Variants in PTPRN2 observed in about 807,000 individuals in gnomAD.
The protein encoded by PTPRN2 is receptor-type tyrosine-protein phosphatase N2.
In PTPRN2, 74 loss-of-function variants were observed where a neutral mutation model predicts 118.8. The observed-to-expected ratio is 0.62, with a 90% CI of 0.52 to 0.76. PTPRN2 has a LOEUF of 0.76. PTPRN2 is among the 30% of genes least tolerant of loss of function. The pLI is 0.00. For missense variants in PTPRN2, 1,481 were observed against 1,394.4 expected (o/e 1.06, Z -0.99); for synonymous variants, 641 against 608.0 (o/e 1.05, Z -0.80).
chr7:158,326,934 CACAT>C lies in PTPRN2; in HGVS notation c.164-10006_164-10003del, dbSNP rs562514077. Among the ~76,000 whole-genome samples the C allele has an allele frequency of 4.4e-3, 661 of 151,770 alleles. 10 individuals carry two copies. Among genetic ancestry groups the C allele is most frequent in the African/African-American group, 0.015 (619 of 41,304 alleles). ...ACATGCTCACACGTTCTCACATGCA[CACAT>C]ACACATTTTCACACATGCACACACG... On this transcript the variant is annotated intron_variant, in intron 2 of 22. Coordinates refer to ENST00000389418, the MANE Select transcript of PTPRN2 (RefSeq NM_002847.5).
chr7:157,805,109 C>A (rs909892962), intron 12 of PTPRN2, among the ~76,000 whole-genome samples: 1 of 152,214 alleles, frequency 6.6e-6, no homozygotes, highest in Admixed American at 6.5e-5. Context: ...TGTACTGGTG[C>A]TCTCAGACAC....
intron 1 of PTPRN2, among the ~76,000 whole-genome samples, chr7:158,537,853 C>T (rs1825739702): frequency 6.6e-6 from 1 of 152,236 alleles, no homozygotes; most frequent in Admixed American, 6.5e-5. Context: ...TGATAAATGA[C>T]TTCATCTTTA....
intron 9 of PTPRN2, among the ~76,000 whole-genome samples, chr7:158,115,998 A>G (rs1215324710): frequency 6.6e-6 from 1 of 152,152 alleles, no homozygotes; most frequent in East Asian, 1.9e-4. Flanking sequence ...TGAGTTTTAT[A>G]AGACAGGCCC....
chr7:157,846,242 A>G (rs1005076919), intron 12 of PTPRN2, among the ~76,000 whole-genome samples: 1 of 152,118 alleles, frequency 6.6e-6, no homozygotes, highest in African/African-American at 2.4e-5. Flanking sequence ...AAAACTGGCC[A>G]AGGTGTGATG....
At chr7:157,835,429 T>C (rs754943136) in intron 12 of PTPRN2, among the ~76,000 whole-genome samples, 1 of 152,148 alleles carries the variant, frequency 6.6e-6, no homozygotes, top group Non-Finnish European at 1.5e-5. Flanking sequence ...CAGAACTGAC[T>C]ACAGTTCACA....
chr7:158,320,283 G>T (rs946477237), intron 2 of PTPRN2, among the ~76,000 whole-genome samples: 1 of 152,156 alleles, frequency 6.6e-6, no homozygotes, highest in Admixed American at 6.5e-5. Flanking sequence ...AGACCAACAC[G>T]AGTGACTGCT....
At chr7:158,151,821 C>T (rs58090298) in intron 6 of PTPRN2, among the ~76,000 whole-genome samples, 30,630 of 152,056 alleles carry the variant, frequency 0.2, 3,575 homozygotes, top group African/African-American at 0.32. Context: ...AATCCATGAG[C>T]AAAGTCCTTG....
chr7:158,528,094 T>C (rs565716944), intron 1 of PTPRN2, among the ~76,000 whole-genome samples: 92 of 152,304 alleles, frequency 6.0e-4, no homozygotes, highest in African/African-American at 2.1e-3. Flanking sequence ...TGTGAGCACA[T>C]GGAGGAAGTT....
At chr7:157,576,037 T>C (rs1333938615) in intron 19 of PTPRN2, among the ~76,000 whole-genome samples, 1 of 152,206 alleles carries the variant, frequency 6.6e-6, no homozygotes, top group African/African-American at 2.4e-5. Context: ...GAGTCTAGCA[T>C]TCACTTCAAC....
intron 13 of PTPRN2, 49 bp downstream of exon 13, chr7:157,682,676 G>T: frequency 6.5e-7 from 1 of 1,535,382 alleles, no homozygotes. Context: ...TCATCTGCCT[G>T]TTCAACAGAT....
At chr7:157,790,090 T>G (rs1337710984) in intron 12 of PTPRN2, among the ~76,000 whole-genome samples, 10 of 128,010 alleles carry the variant, frequency 7.8e-5, no homozygotes, top group Admixed American at 1.6e-4. Flanking sequence ...GTGGTGTGTG[T>G]GGTGGTGACA....
chr7:158,557,555 G>A (rs954176226), intron 1 of PTPRN2, among the ~76,000 whole-genome samples: 5 of 152,236 alleles, frequency 3.3e-5, no homozygotes, highest in African/African-American at 1.2e-4. Flanking sequence ...CGCTCAACCC[G>A]TGGCTGGCTG....
At chr7:157,666,471 G>C (rs1205183477) in intron 13 of PTPRN2, among the ~76,000 whole-genome samples, 1 of 150,964 alleles carries the variant, frequency 6.6e-6, no homozygotes, top group African/African-American at 2.4e-5. Flanking sequence ...CTATTCTTGA[G>C]AAGAAAGTAT....
chr7:157,896,534 TGGGCAGCC>T (rs2128750610), intron 12 of PTPRN2, among the ~76,000 whole-genome samples: 2 of 150,052 alleles, frequency 1.3e-5, no homozygotes, highest in African/African-American at 2.5e-5. Context: ...CCGTTGTGAG[TGGGCAGCC>T]GGGGAGGTGC....
At chr7:157,680,018 AC>A (rs1212644311) in intron 13 of PTPRN2, among the ~76,000 whole-genome samples, 3 of 152,202 alleles carry the variant, frequency 2.0e-5, no homozygotes, top group Non-Finnish European at 4.4e-5. Flanking sequence ...AGGTAAGAAC[AC>A]AAGTTCTTTT....
In PTPRN2 at chr7:158,489,793, G is replaced by A. The variant is rs955390331; in HGVS notation, c.113-8C>T. 1.9e-6 allele frequency: 3 copies of A among 1,571,244 alleles called. No individual in the cohort carries two copies. Among genetic ancestry groups the A allele is most frequent in the African/African-American group, 1.4e-5 (1 of 73,936 alleles). On this transcript the variant is annotated splice_region_variant and splice_polypyrimidine_tract_variant and intron_variant, in intron 1 of 22. Transcript: ENST00000389418. The stretch of plus-strand genomic sequence containing the variant: ...CCTCCTCGAGCAGGCAGCCTGCGGG[G>A]AAACAGAGAAGAGACGCGGTCAGCT...
At chr7:157,552,106 AC>A (rs1243274764) in intron 21 of PTPRN2, among the ~76,000 whole-genome samples, 4 of 149,622 alleles carry the variant, frequency 2.7e-5, no homozygotes, top group Non-Finnish European at 4.4e-5. Flanking sequence ...CTCTATGGCC[AC>A]TGCACACCCT....
At chr7:157,759,287 G>A (rs573306379) in intron 12 of PTPRN2, among the ~76,000 whole-genome samples, 9 of 152,316 alleles carry the variant, frequency 5.9e-5, no homozygotes, top group African/African-American at 2.2e-4. Context: ...TCCACCATGC[G>A]CCAAGGGAGC....
At chr7:157,549,336 T>G (rs1184237366) in intron 21 of PTPRN2, among the ~76,000 whole-genome samples, 1 of 151,600 alleles carries the variant, frequency 6.6e-6, no homozygotes, top group Non-Finnish European at 1.5e-5. Flanking sequence ...TTTTTTTTTT[T>G]TGTGACACTT....
Sources: allele counts gnomAD v4.1 joint callset (sites outside exome capture counted in the v4.1 genomes callset), GRCh38; gene constraint gnomAD v4.1.1; transcripts MANE v1.5; gene names NCBI Gene and HGNC (gene_info 2026-07-23, HGNC 2026-07-21).